The following IVD variants were observed in gnomAD, a reference collection of about 807,000 sequenced individuals.
IVD encodes isovaleryl-CoA dehydrogenase, mitochondrial.
In IVD, 31 loss-of-function variants were observed where a neutral mutation model predicts 51.3. The ratio of observed to expected loss-of-function variants is 0.60; its 90% CI spans 0.45 to 0.81. IVD has a LOEUF of 0.81. Ranked by LOEUF, IVD falls within the 40% of genes least tolerant of loss-of-function variation. The pLI, the probability that IVD is intolerant of heterozygous loss-of-function variation, is 0.00. For synonymous variants in IVD, 205 were observed against 219.4 expected (o/e 0.93, Z 0.58); for missense variants, 475 against 552.0 (o/e 0.86, Z 1.40).
chr15:40,433,078 A>C (rs1205843625), intron 7 of IVD, among the ~76,000 whole-genome samples: 1 of 152,234 alleles, frequency 6.6e-6, no homozygotes, highest in African/African-American at 2.4e-5. Context: ...TAGCGCCAGG[A>C]CTGTACTCAG....
chr15:40,416,826 T>A (rs1891739362), intron 11 of IVD, among the ~76,000 whole-genome samples: 1 of 152,214 alleles, frequency 6.6e-6, no homozygotes, highest in African/African-American at 2.4e-5. Context: ...ATGAGAAAAC[T>A]GCTAGATGCC....
At chr15:40,424,809 T>A (rs886241368), downstream of IVD, among the ~76,000 whole-genome samples, 3 of 152,254 alleles carry the variant, frequency 2.0e-5, no homozygotes, top group African/African-American at 4.8e-5. Flanking sequence ...AGACCCTCTC[T>A]CACTTATCTG....
At chr15:40,423,503 C>T (rs1892484964), downstream of IVD, among the ~76,000 whole-genome samples, 2 of 152,190 alleles carry the variant, frequency 1.3e-5, no homozygotes, top group South Asian at 4.1e-4. Context: ...GCTCTCTCGC[C>T]CATGCTGGAG....
chr15:40,422,782 T>TTTTTTTTTTTTTTTTTTTTTG (rs1472395761), downstream of IVD, among the ~76,000 whole-genome samples: 1 of 145,338 alleles, frequency 6.9e-6, no homozygotes, highest in Non-Finnish European at 1.5e-5. Context: ...GTATTTTTAG[T>TTTTTTTTTTTTTTTTTTTTTG]AGAGACGGGG....
rs1016798301 is a variant in IVD at position 40,435,411 on chromosome 15, C to T, written c.781-6C>T. The T allele has an allele frequency of 1.0e-5, 12 of 1,179,744 alleles. No homozygotes were observed. In the African/African-American group the frequency reaches 1.8e-4, roughly 17 times the overall value. The allele number at this position is 1,179,744 out of a possible 1,614,324, so 73.1% of individuals were successfully genotyped here. A position where few individuals can be genotyped will look rare whatever the true frequency, so the allele number is the denominator to read the frequency against. ...CAGCGCTAAAAGAGGGCTCTCTTTC[C>T]CCTAGGGCAGACCTTTTCCGCCCAA... On this transcript the variant is annotated splice_region_variant and splice_polypyrimidine_tract_variant and intron_variant, in intron 8 of 8. Coordinates refer to the IVD transcript ENST00000473112.
intron 6 of IVD, 41 bp downstream of exon 6, chr15:40,411,732 C>T: frequency 6.2e-7 from 1 of 1,609,172 alleles, no homozygotes; most frequent in Non-Finnish European, 8.5e-7. Flanking sequence ...CTTCTGCCTC[C>T]TGACAGTGGT....
intron 3 of IVD, among the ~76,000 whole-genome samples, chr15:40,408,842 C>G (rs373865319): frequency 3.3e-5 from 5 of 152,030 alleles, no homozygotes; most frequent in Admixed American, 6.6e-5. Context: ...CCCAGCTACT[C>G]GGGAGGCTGA....
At chr15:40,418,079 C>CT in intron 11 of IVD, 51 bp from the exon 12 acceptor site, 1 of 1,611,152 alleles carries the variant, frequency 6.2e-7, no homozygotes, top group Non-Finnish European at 8.5e-7. Flanking sequence ...TGTTTGCTTT[C>CT]TTTGTTTTGT....
At chr15:40,416,055 C>G in intron 9 of IVD, 23 bp from the exon 10 acceptor site, 1 of 1,609,996 alleles carries the variant, frequency 6.2e-7, no homozygotes, top group South Asian at 1.1e-5. Flanking sequence ...GCATGTTGAC[C>G]TGTGACATCC....
chr15:40,410,618 C>A lies in IVD; in HGVS notation c.287-10C>A, dbSNP rs751015371. 6 of 1,614,146 alleles carry A rather than the reference C, an allele frequency of 3.7e-6. No individual in the cohort carries two copies. The South Asian group carries it at 6.6e-5, about 18-fold the overall frequency. ...GCGTTTTCCACTCCCTTGTACCACA[C>A]CACTCACAGTTCAGTATGGCGGCTC... On this transcript the variant is annotated splice_polypyrimidine_tract_variant and intron_variant, in intron 3 of 11. Transcript: ENST00000487418.
rs1175028131 is a variant in IVD at position 40,409,899 on chromosome 15, C to T, written c.287-729C>T. Among the ~76,000 whole-genome samples, 11 of 149,458 alleles carry T rather than the reference C, an allele frequency of 7.4e-5. No individual in the cohort carries two copies. The East Asian group carries it at 1.4e-3, about 19-fold the overall frequency. On this transcript the variant is annotated intron_variant, in intron 3 of 11. Transcript: ENST00000487418. ...TCGCCCAGGCTGGAGTGCAGTGGCG[C>T]GATCTCGGCTCTCTGCAAGCTCCAC...
In IVD at chr15:40,407,723, C is replaced by T. The variant is rs765815516; in HGVS notation, c.232C>T (p.Arg78Ter). Residue 78 changes from arginine (R) to a stop codon, truncating the protein, a stop_gained and splice_region_variant, in exon 2 of 12, where the codon CGA (arginine) becomes TGA (stop). Transcript: ENST00000487418. LOFTEE classifies it high-confidence loss of function. ...IDRSNEFKNLREFWKQLGNLG... is the reference protein window; with the variant it reads ...IDRSNEFKNL ...TCGCAGCAATGAGTTCAAGAACCTG[C>T]GAGTGAGTTGGGAGGTCCGGGCAGT... 29 of 1,613,712 alleles carry T rather than the reference C, an allele frequency of 1.8e-5. No individual in the cohort carries two copies. Among genetic ancestry groups the T allele is most frequent in the Admixed American group, 3.3e-5 (2 of 60,006 alleles).
In IVD at chr15:40,416,338, G is replaced by A. The variant is rs1345467970; in HGVS notation, c.1114G>A (p.Ala372Thr). 6.2e-7 allele frequency: 1 copy of A among 1,614,054 alleles called. No individual in the cohort carries two copies. The highest frequency in any genetic ancestry group is 2.2e-5 in the East Asian group (1 of 44,898). ...CTCAGCTGAGTGTGCCACACAGGTA[G>A]CCCTGGACGGCATTCAGTGTTTTGG... ...LYSAECATQV[A>T]LDGIQCFGGN... Residue 372 changes from alanine to threonine, a missense_variant, in exon 11 of 12, where the codon GCC becomes ACC. Ala to Thr is a moderately conservative substitution (Grantham distance 58, BLOSUM62 0). Coordinates refer to ENST00000487418, the MANE Select transcript of IVD (RefSeq NM_002225.5).
At chr15:40,413,473 T>TA (rs1256199690) in intron 7 of IVD, among the ~76,000 whole-genome samples, 16 of 151,834 alleles carry the variant, frequency 1.1e-4, no homozygotes, top group African/African-American at 3.9e-4. Flanking sequence ...TTAATGATGC[T>TA]AAGAAAAAAA....
Position 40,416,348 on chromosome 15 carries a change from G to A in IVD, c.1124G>A (p.Gly375Asp), listed in dbSNP as rs769261274. 11 of 1,613,906 alleles carry A rather than the reference G, an allele frequency of 6.8e-6. No individual in the cohort carries two copies. The highest frequency in any genetic ancestry group is 2.7e-5 in the African/African-American group (2 of 74,938). Reference protein sequence around the residue: ...AECATQVALDGIQCFGGNGYI... With the variant: ...AECATQVALDDIQCFGGNGYI... ...TGTGCCACACAGGTAGCCCTGGACG[G>A]CATTCAGTGTTTTGGTGAGTGATCC... Residue 375 changes from glycine to aspartate, a missense_variant, in exon 11 of 12, where the codon GGC (glycine) becomes GAC (aspartate). By Grantham distance (94) the Gly-to-Asp change is moderately conservative. Coordinates refer to ENST00000487418, the MANE Select transcript of IVD (RefSeq NM_002225.5).
At chr15:40,422,426 A>G (rs1188183249), downstream of IVD, among the ~76,000 whole-genome samples, 9 of 150,472 alleles carry the variant, frequency 6.0e-5, no homozygotes, top group Non-Finnish European at 1.0e-4. Context: ...TGGGACTACA[A>G]GCGCCCGCCA....
chr15:40,428,435 G>A (rs1228731054), downstream of IVD, among the ~76,000 whole-genome samples: 2 of 152,120 alleles, frequency 1.3e-5, no homozygotes, highest in African/African-American at 4.8e-5. Flanking sequence ...GGAGAAGCAG[G>A]TGGTTGTGAA....
intron 6 of IVD, among the ~76,000 whole-genome samples, chr15:40,412,021 G>T (rs1203263879): frequency 2.6e-5 from 4 of 152,230 alleles, no homozygotes; most frequent in Non-Finnish European, 5.9e-5. Flanking sequence ...AGACTGAGGT[G>T]TGGGTGGGAT....
downstream of IVD, among the ~76,000 whole-genome samples, chr15:40,425,440 C>A (rs8040207): frequency 8.3e-4 from 115 of 137,826 alleles, 3 homozygotes; most frequent in African/African-American, 3.3e-3. Context: ...TGGACTCATA[C>A]TATATATATA....
Sources: allele counts gnomAD v4.1 joint callset (sites outside exome capture counted in the v4.1 genomes callset), GRCh38; gene constraint gnomAD v4.1.1; transcripts MANE v1.5; gene names NCBI Gene and HGNC (gene_info 2026-07-23, HGNC 2026-07-21).